The following PRKN variants were observed in gnomAD, a reference collection of about 807,000 sequenced individuals.
The protein encoded by PRKN is E3 ubiquitin-protein ligase parkin.
A neutral mutation model predicts 59.5 loss-of-function variants in PRKN; 56 were observed. That is an observed-to-expected ratio of 0.94 (90% CI 0.76 to 1.18). The LOEUF is 1.18. Among genes scored for constraint, PRKN ranks in the 50% most tolerant of loss-of-function variants. PRKN has a pLI of 0.00. For synonymous variants in PRKN, 250 were observed against 222.1 expected, an observed-to-expected ratio of 1.13 and a Z score of -1.12; for missense variants, 657 against 596.4, an observed-to-expected ratio of 1.10 and a Z score of -1.06.
intron 6 of PRKN, among the ~76,000 whole-genome samples, chr6:161,814,485 T>C (rs1791686687): frequency 6.6e-6 from 1 of 151,876 alleles, no homozygotes; most frequent in South Asian, 2.1e-4. Context: ...GGTAAGAGAG[T>C]GTGTGCAGGG....
intron 6 of PRKN, among the ~76,000 whole-genome samples, chr6:161,905,482 A>G (rs941180699): frequency 5.3e-5 from 8 of 152,068 alleles, no homozygotes; most frequent in Non-Finnish European, 8.8e-5. Context: ...TTGTTGACAG[A>G]AGCAACACAG....
chr6:161,955,083 T>C (rs1230679193), intron 6 of PRKN, among the ~76,000 whole-genome samples: 1 of 152,190 alleles, frequency 6.6e-6, no homozygotes, highest in Non-Finnish European at 1.5e-5. Flanking sequence ...GAAGTCATCG[T>C]CCTGTCTCAC....
In PRKN at chr6:162,321,077, A is replaced by G. The variant is rs376022238; in HGVS notation, c.172-58312T>C. 1.9e-4 allele frequency among the ~76,000 whole-genome samples: 29 copies of G among 151,996 alleles called. No homozygotes were observed. The South Asian group carries it at 6.0e-3, about 31-fold the overall frequency. On this transcript the variant is annotated intron_variant, in intron 2 of 11. Coordinates refer to ENST00000366898, the MANE Select transcript of PRKN (RefSeq NM_004562.3). The stretch of plus-strand genomic sequence containing the variant: ...ACAGAACAATAGGAAAAAGACCATG[A>G]AACCACAACTTTGTTCTTTTTGTTG...
At position 162,524,456 on chromosome 6, in the gene PRKN, T is replaced by G. The variant is rs555790564; in HGVS notation, c.8-80983A>C. On this transcript the variant is annotated intron_variant, in intron 1 of 11. Coordinates refer to ENST00000366898, the MANE Select transcript of PRKN (RefSeq NM_004562.3). ...TTGGGTGAGAAAATTGTTCAAGGAC[T>G]AAGAGTGACCTGTCATGGTAACAAC... is the stretch of plus-strand genomic sequence containing the variant. Among the ~76,000 whole-genome samples the G allele has an allele frequency of 8.5e-5, 13 of 152,334 alleles. 1 individual carries two copies. Among genetic ancestry groups the G allele is most frequent in the Non-Finnish European group, 1.6e-4 (11 of 68,026 alleles).
At chr6:162,705,728 G>A (rs1252435883) in intron 1 of PRKN, among the ~76,000 whole-genome samples, 2 of 152,154 alleles carry the variant, frequency 1.3e-5, no homozygotes, top group South Asian at 2.1e-4. Context: ...GGAGAATTCA[G>A]GTTCAATTTT....
chr6:161,741,444 G>A (rs1243505303), intron 7 of PRKN, among the ~76,000 whole-genome samples: 1 of 152,176 alleles, frequency 6.6e-6, no homozygotes, highest in Admixed American at 6.5e-5. Flanking sequence ...GTACCGGACG[G>A]GGAATCCGAG....
chr6:161,651,792 T>C (rs1784157984), intron 7 of PRKN, among the ~76,000 whole-genome samples: 1 of 152,242 alleles, frequency 6.6e-6, no homozygotes. Context: ...CAGATGTCTC[T>C]ATATACTGTT....
intron 5 of PRKN, among the ~76,000 whole-genome samples, chr6:162,021,195 TA>T (rs386409180): frequency 6.2e-5 from 7 of 113,688 alleles, no homozygotes; most frequent in East Asian, 2.2e-4. Context: ...ATTATATATA[TA>T]ATATATATAA....
At chr6:161,723,779 C>T (rs528136053) in intron 7 of PRKN, among the ~76,000 whole-genome samples, 7 of 152,320 alleles carry the variant, frequency 4.6e-5, no homozygotes, top group South Asian at 2.1e-4. Flanking sequence ...TGAGAATCCA[C>T]GCAGGCTGCC....
chr6:161,375,512 C>A (rs144184636), intron 10 of PRKN, among the ~76,000 whole-genome samples: 1 of 152,210 alleles, frequency 6.6e-6, no homozygotes, highest in African/African-American at 2.4e-5. Context: ...AAACCCAAAC[C>A]CCCAAGTTTC....
At chr6:162,091,717 A>G (rs986178446) in intron 4 of PRKN, among the ~76,000 whole-genome samples, 1 of 152,110 alleles carries the variant, frequency 6.6e-6, no homozygotes, top group African/African-American at 2.4e-5. Context: ...GTGTAGCACT[A>G]TGTTTTGTTT....
chr6:162,010,386 T>C (rs1171467547), intron 5 of PRKN, among the ~76,000 whole-genome samples: 2 of 98,938 alleles, frequency 2.0e-5, no homozygotes, highest in Non-Finnish European at 3.7e-5. Context: ...TAATATATAA[T>C]ATATAAATAA....
chr6:161,880,788 A>G (rs1342995567), intron 6 of PRKN, among the ~76,000 whole-genome samples: 1 of 152,094 alleles, frequency 6.6e-6, no homozygotes, highest in African/African-American at 2.4e-5. Flanking sequence ...GTGACCCGGG[A>G]AAAGGCAAGA....
chr6:161,782,740 A>T (rs1231172253), intron 7 of PRKN, among the ~76,000 whole-genome samples: 3 of 152,110 alleles, frequency 2.0e-5, no homozygotes, highest in South Asian at 4.2e-4. Context: ...CTAAAAATAC[A>T]AAAATTAGCA....
In PRKN at chr6:161,356,469, G is replaced by T. The variant is rs950789749; in HGVS notation, c.1285+3619C>A. Among the ~76,000 whole-genome samples the T allele has an allele frequency of 6.6e-6, 1 of 152,204 alleles. No homozygotes were observed. Among genetic ancestry groups the T allele is most frequent in the Admixed American group, 6.5e-5 (1 of 15,272 alleles). On this transcript the variant is annotated intron_variant, in intron 11 of 11. Transcript: ENST00000366898. This position sits in a 1 kb window ranked among gnomAD's most constrained non-coding sequence, Gnocchi z 7.8. ...GACATGGCCTTTGAGAAGTCTACAC[G>T]TCTATGTAGAGGACGGATCATAAAT... is the stretch of plus-strand genomic sequence containing the variant.
At position 161,414,750 on chromosome 6, in the gene PRKN, C is replaced by T. The variant is rs1787758966; in HGVS notation, c.1084-27873G>A. Among the ~76,000 whole-genome samples, 1 of 152,164 alleles carries T rather than the reference C, an allele frequency of 6.6e-6. No individual in the cohort carries two copies. Among genetic ancestry groups the T allele is most frequent in the East Asian group, 1.9e-4 (1 of 5,200 alleles). ...CAAAAGGCATGAAAGGCACATTATG[C>T]TTCTCCACCAGAGGAGGGTCTCCGC... On this transcript the variant is annotated intron_variant, in intron 9 of 11. Transcript: ENST00000366898. This position sits in a 1 kb window ranked among gnomAD's most constrained non-coding sequence, Gnocchi z 5.3.
Position 161,370,611 on chromosome 6 carries a change from A to AAAAAAAAAAAAAG in PRKN, c.1168-10407_1168-10406insCTTTTTTTTTTTT, listed in dbSNP as rs1554253822. On this transcript the variant is annotated intron_variant, in intron 10 of 11. Transcript: ENST00000366898. The stretch of plus-strand genomic sequence containing the variant: ...TGTGTCAAAAAAAAAAAAAAAAAAA[A>AAAAAAAAAAAAAG]GCCGAATTAGCGCCTAGGAGACACA... Among the ~76,000 whole-genome samples the AAAAAAAAAAAAAG allele has an allele frequency of 3.5e-4, 52 of 147,062 alleles. 1 individual carries two copies. The highest frequency in any genetic ancestry group is 1.4e-3 in the African/African-American group (51 of 37,640).
At chr6:161,927,718 T>C (rs1779019560) in intron 6 of PRKN, among the ~76,000 whole-genome samples, 1 of 151,860 alleles carries the variant, frequency 6.6e-6, no homozygotes, top group South Asian at 2.1e-4. Flanking sequence ...GAAGTTGCAG[T>C]GAGCCAAGAC....
At position 161,386,462 on chromosome 6, in the gene PRKN, A is replaced by G. The variant is rs919176201; in HGVS notation, c.1167+332T>C. On this transcript the variant is annotated intron_variant, in intron 10 of 11. Transcript: ENST00000366898. This position sits in a 1 kb window ranked among gnomAD's most constrained non-coding sequence, Gnocchi z 4.3. ...GCATTAAAAACATTGAAGTAGACTT[A>G]GTATGGATTTCTCTGATTTAGACAC... Among the ~76,000 whole-genome samples the G allele has an allele frequency of 1.4e-4, 21 of 152,202 alleles. No individual in the cohort carries two copies. Among genetic ancestry groups the G allele is most frequent in the African/African-American group, 5.1e-4 (21 of 41,456 alleles).
Sources: gnomAD v4.1 joint callset for allele counts (sites outside exome capture counted in the v4.1 genomes callset) on GRCh38, gnomAD v4.1.1 for gene constraint, Gnocchi (gnomAD v3.1) non-coding constraint, MANE v1.5 for transcripts, NCBI Gene and HGNC (gene_info 2026-07-23, HGNC 2026-07-21) for gene names.